The following PLEKHH2 variants were observed in gnomAD, a reference collection of about 807,000 sequenced individuals.
The protein encoded by PLEKHH2 is pleckstrin homology domain-containing family H member 2.
PLEKHH2 carries 129 observed loss-of-function variants against 187.9 expected under a neutral mutation model. That is an observed-to-expected ratio of 0.69 (90% confidence interval 0.59 to 0.79). The LOEUF (loss-of-function observed/expected upper bound fraction) is 0.79, where lower values mean the gene tolerates loss of function less well. Ranked by LOEUF, PLEKHH2 falls within the 30% of genes least tolerant of loss-of-function variation. The probability of loss-of-function intolerance (pLI) is 0.00; values close to 1 mark genes in which losing one functional copy is unlikely to be tolerated. For missense variants in PLEKHH2, 2,076 were observed against 1,751.2 expected, an observed-to-expected ratio of 1.19 and a Z score of -3.31; for synonymous variants, 686 against 605.6, an observed-to-expected ratio of 1.13 and a Z score of -1.95.
chr2:43,745,816 A>T, intron 23 of PLEKHH2, 50 bp from the exon 24 acceptor site: 1 of 1,400,552 alleles, frequency 7.1e-7, no homozygotes, highest in South Asian at 1.3e-5. Context: ...TCTTCAAAAA[A>T]TGTTGATTTG....
At position 43,697,253 on chromosome 2, in the gene PLEKHH2, C is replaced by G; in HGVS notation, c.585C>G (p.Cys195Trp). 6.2e-7 allele frequency: 1 copy of G among 1,613,750 alleles called. No individual in the cohort carries two copies. Among genetic ancestry groups the G allele is most frequent in the South Asian group, 1.1e-5 (1 of 91,040 alleles). The stretch of plus-strand genomic sequence containing the variant: ...GCCTGAGCAGTTTGACCTTTGGGTG[C>G]TTTTTATCTCGAGCAAGGAGTCCTC... ...GQRLSSLTFG[C>W]FLSRARSPPQ... is the part of the protein sequence containing the mutation. Residue 195 changes from cysteine to tryptophan, a missense_variant, in exon 7 of 30, where the codon TGC becomes TGG. Coordinates refer to ENST00000282406, the MANE Select transcript of PLEKHH2 (RefSeq NM_172069.4).
chr2:43,716,430 G>A (rs971050095), intron 15 of PLEKHH2, among the ~76,000 whole-genome samples: 3 of 152,176 alleles, frequency 2.0e-5, no homozygotes, highest in African/African-American at 7.2e-5. Flanking sequence ...TAAGAGTGGG[G>A]AAAAGGGTGG....
At position 43,740,655 on chromosome 2, in the gene PLEKHH2, C is replaced by A. The variant is rs140153180; in HGVS notation, c.3124-291C>A. Among the ~76,000 whole-genome samples, 845 of 152,166 alleles carry A rather than the reference C, an allele frequency of 5.6e-3. 16 individuals carry two copies. Among genetic ancestry groups the A allele is most frequent in the African/African-American group, 0.019 (796 of 41,510 alleles). Reference sequence around the variant, plus strand: ...AAATACGTAAGTGAAAAAAAAGAAACAATGTTCCTAATCTTTGAGTGTAAC... The same window carrying A: ...AAATACGTAAGTGAAAAAAAAGAAAAAATGTTCCTAATCTTTGAGTGTAAC... On this transcript the variant is annotated intron_variant, in intron 20 of 29. Coordinates refer to ENST00000282406, the MANE Select transcript of PLEKHH2 (RefSeq NM_172069.4).
chr2:43,658,666 G>T (rs1666910866), intron 2 of PLEKHH2: 1 of 152,220 alleles, frequency 6.6e-6, no homozygotes, highest in African/African-American at 2.4e-5. Context: ...GTCTCCACAG[G>T]ACTGCTTGAG....
In PLEKHH2 at chr2:43,765,589, C is replaced by T; in HGVS notation, c.4473C>T (p.Thr1491=). Residue 1491 remains threonine, a synonymous_variant, in exon 30 of 30, where the codon ACC becomes ACT. Coordinates refer to ENST00000282406, the MANE Select transcript of PLEKHH2 (RefSeq NM_172069.4). ...GCAGCAGACCGACCAAAGGCCCCACCTTACTCTGAAAGCTGGGGAGCCTGA... is the reference window on the plus strand; with the variant it reads ...GCAGCAGACCGACCAAAGGCCCCACTTTACTCTGAAAGCTGGGGAGCCTGA... The part of the protein sequence containing the change: ...LSSSRPTKGP[T]LL The T allele has an allele frequency of 1.2e-6, 2 of 1,613,266 alleles. No individual in the cohort carries two copies. The highest frequency in any genetic ancestry group is 1.7e-6 in the Non-Finnish European group (2 of 1,179,740).
intron 16 of PLEKHH2, 112 bp from the exon 17 acceptor site, chr2:43,726,160 A>T: frequency 1.3e-6 from 1 of 766,102 alleles, no homozygotes; most frequent in Non-Finnish European, 2.0e-6. Flanking sequence ...AAAATAAAGT[A>T]AAATTTTTAA....
intron 2 of PLEKHH2, among the ~76,000 whole-genome samples, chr2:43,667,003 A>G (rs1667251080): frequency 6.6e-6 from 1 of 152,154 alleles, no homozygotes; most frequent in African/African-American, 2.4e-5. Flanking sequence ...GTTTTGAAAA[A>G]CAGACACTTA....
chr2:43,765,942 T>C lies in PLEKHH2; in HGVS notation c.*344T>C, dbSNP rs1672606236. ...CCCTTTTTAATATTCTGGCAATCTT[T>C]AGAAAGGGAGATTCCAAACTCCCAT... On this transcript the variant is annotated 3_prime_UTR_variant, in exon 30 of 30. Coordinates refer to ENST00000282406, the MANE Select transcript of PLEKHH2 (RefSeq NM_172069.4). 1 of 188,274 alleles carries C rather than the reference T, an allele frequency of 5.3e-6. No individual in the cohort carries two copies. Among genetic ancestry groups the C allele is most frequent in the Non-Finnish European group, 1.1e-5 (1 of 92,034 alleles). 11.7% of individuals were successfully genotyped at this position (188,274 alleles called of 1,614,324 possible). A position where few individuals can be genotyped will look rare whatever the true frequency, so the allele number is the denominator to read the frequency against.
chr2:43,731,776 C>G (rs1027138065), intron 19 of PLEKHH2, among the ~76,000 whole-genome samples, 174 bp downstream of exon 19: 3 of 152,032 alleles, frequency 2.0e-5, no homozygotes, highest in African/African-American at 7.2e-5. Flanking sequence ...ATTTCATATG[C>G]TTTCTTAGTG....
chr2:43,731,206 A>G (rs1412468153), intron 18 of PLEKHH2, among the ~76,000 whole-genome samples: 1 of 152,196 alleles, frequency 6.6e-6, no homozygotes, highest in East Asian at 1.9e-4. Flanking sequence ...AAATCTCACA[A>G]ATCACTAAAG....
intron 2 of PLEKHH2, 104 bp from the exon 3 acceptor site, chr2:43,678,759 G>GAGGTGC (rs142175341): frequency 1.1e-4 from 75 of 678,556 alleles, no homozygotes; most frequent in African/African-American, 4.7e-4. Context: ...GGTGGAGGTG[G>GAGGTGC]AGGTGGAGGT....
Position 43,700,444 on chromosome 2 carries a change from A to G in PLEKHH2, c.1486A>G (p.Ser496Gly). 5 of 1,614,130 alleles carry G rather than the reference A, an allele frequency of 3.1e-6. No individual in the cohort carries two copies. Among genetic ancestry groups the G allele is most frequent in the Middle Eastern group, 1.6e-4 (1 of 6,062 alleles). The change falls in exon 8 of 30, where the codon AGT becomes GGT. Residue 496 changes from serine (S) to glycine (G), a missense_variant. By Grantham distance (56) the Ser-to-Gly change is moderately conservative. Transcript: ENST00000282406. The part of the protein sequence containing the change: ...ETDLDLVDGD[S>G]TEVLENMDTS... ...TGATCTTGATCTAGTTGATGGAGAC[A>G]GTACAGAAGTTTTAGAGAATATGGA...
At chr2:43,650,897 G>A (rs916518026) in intron 2 of PLEKHH2, among the ~76,000 whole-genome samples, 4 of 151,722 alleles carry the variant, frequency 2.6e-5, no homozygotes, top group Admixed American at 6.6e-5. Context: ...TGCCCACCTT[G>A]GGCTCCCAAA....
chr2:43,676,495 CACTGCGGGTGGG>C, intron 2 of PLEKHH2, among the ~76,000 whole-genome samples: 1 of 151,652 alleles, frequency 6.6e-6, no homozygotes. Flanking sequence ...ACGCGGCGGC[CACTGCGGGTGGG>C]GTCCGGGCTG....
chr2:43,644,468 C>G (rs908269643), intron 1 of PLEKHH2, among the ~76,000 whole-genome samples: 1 of 152,036 alleles, frequency 6.6e-6, no homozygotes, highest in African/African-American at 2.4e-5. Flanking sequence ...CCTTAGTCTC[C>G]TATTTCCCAT....
intron 27 of PLEKHH2, 145 bp downstream of exon 27, chr2:43,759,174 G>T: frequency 7.9e-7 from 1 of 1,272,192 alleles, no homozygotes; most frequent in Non-Finnish European, 1.0e-6. Context: ...AGACACTAGA[G>T]AAAGGGCAGA....
chr2:43,711,893 CAAAAAAAAAAA>C, intron 14 of PLEKHH2: 1 of 838,752 alleles, frequency 1.2e-6, no homozygotes, highest in African/African-American at 2.2e-5. Context: ...GACTCTGTCT[CAAAAAAAAAAA>C]AAAAAGAAAA....
intron 6 of PLEKHH2, among the ~76,000 whole-genome samples, chr2:43,696,670 G>A (rs1337930607): frequency 6.6e-6 from 1 of 151,608 alleles, no homozygotes; most frequent in East Asian, 1.9e-4. Flanking sequence ...TTTTTCTCAT[G>A]GCTGAAAACT....
Position 43,700,153 on chromosome 2 carries a change from T to A in PLEKHH2, c.1195T>A (p.Ser399Thr), listed in dbSNP as rs779194545. The A allele has an allele frequency of 6.2e-7, 1 of 1,614,160 alleles. No homozygotes were observed. Among genetic ancestry groups the A allele is most frequent in the East Asian group, 2.2e-5 (1 of 44,886 alleles). Residue 399 changes from serine to threonine, a missense_variant, in exon 8 of 30, where the codon TCT (serine) becomes ACT (threonine). By Grantham distance (58) the Ser-to-Thr change is moderately conservative. Coordinates refer to ENST00000282406, the MANE Select transcript of PLEKHH2 (RefSeq NM_172069.4). ...KFQSQRLDYSSSSSEANTPSP... is the reference protein window; with the variant it reads ...KFQSQRLDYSTSSSEANTPSP... ...TCAATCCCAGAGACTCGATTATTCA[T>A]CTTCATCGAGTGAAGCCAACACCCC... is the stretch of plus-strand genomic sequence containing the variant.
Sources: allele counts gnomAD v4.1 joint callset (sites outside exome capture counted in the v4.1 genomes callset), GRCh38; gene constraint gnomAD v4.1.1; transcripts MANE v1.5; gene names NCBI Gene and HGNC (gene_info 2026-07-23, HGNC 2026-07-21).